The following IMMP2L variants were observed in gnomAD, a reference collection of about 807,000 sequenced individuals.
IMMP2L encodes mitochondrial inner membrane protease subunit 2.
Under a neutral mutation model 19.3 loss-of-function variants are expected in IMMP2L, and 18 were observed. The ratio of observed to expected loss-of-function variants is 0.93; its 90% CI spans 0.64 to 1.38. IMMP2L has a LOEUF of 1.38. Among genes scored for constraint, IMMP2L ranks in the 40% most tolerant of loss-of-function variants. The pLI, the probability that IMMP2L is intolerant of heterozygous loss-of-function variation, is 0.00. For missense variants in IMMP2L, 233 were observed against 218.2 expected (o/e 1.07, Z -0.43); for synonymous variants, 76 against 73.0 (o/e 1.04, Z -0.21).
intron 3 of IMMP2L, among the ~76,000 whole-genome samples, chr7:111,387,135 T>C (rs1480217139): frequency 6.6e-6 from 1 of 152,180 alleles, no homozygotes; most frequent in Non-Finnish European, 1.5e-5. Flanking sequence ...AGTACTGTTT[T>C]CAAAAATGAT....
intron 3 of IMMP2L, among the ~76,000 whole-genome samples, chr7:111,256,338 T>C (rs1036567132): frequency 3.3e-5 from 5 of 152,092 alleles, no homozygotes. Flanking sequence ...ACATATGAAC[T>C]ATAACAATTT....
intron 3 of IMMP2L, among the ~76,000 whole-genome samples, chr7:111,310,852 C>T (rs1823437196): frequency 6.6e-6 from 1 of 152,108 alleles, no homozygotes; most frequent in African/African-American, 2.4e-5. Context: ...TAAAAAAGAA[C>T]ACATCTAGAA....
intron 3 of IMMP2L, among the ~76,000 whole-genome samples, chr7:111,243,222 G>C (rs990679779): frequency 2.0e-5 from 3 of 151,896 alleles, no homozygotes; most frequent in Non-Finnish European, 4.4e-5. Flanking sequence ...TGAATGTGAA[G>C]TATTTATTAT....
chr7:111,017,608 A>G (rs905469027), intron 3 of IMMP2L, among the ~76,000 whole-genome samples: 1 of 152,220 alleles, frequency 6.6e-6, no homozygotes, highest in East Asian at 1.9e-4. Flanking sequence ...ACTCCCCTTC[A>G]GTTTACCTTT....
At chr7:111,014,002 C>T (rs1486123698) in intron 3 of IMMP2L, among the ~76,000 whole-genome samples, 2 of 152,040 alleles carry the variant, frequency 1.3e-5, no homozygotes, top group Admixed American at 1.3e-4. Flanking sequence ...GTCATATATT[C>T]ACAGCAAAAC....
In IMMP2L at chr7:110,727,736, C is replaced by T. The variant is rs1000504024; in HGVS notation, c.409-64015G>A. Among the ~76,000 whole-genome samples the T allele has an allele frequency of 3.3e-5, 5 of 152,118 alleles. No individual in the cohort carries two copies. The highest frequency in any genetic ancestry group is 1.3e-4 in the Admixed American group (2 of 15,266). ...TAAATTGAATCCGTATTCTTACCTC[C>T]GAAGCTACTGTAGAGAGTATTATTA... On this transcript the variant is annotated intron_variant, in intron 5 of 5. Transcript: ENST00000405709. The surrounding 1 kb of genome is among the most constrained non-coding windows in gnomAD (Gnocchi z 4.3).
At chr7:110,856,154 T>C (rs893124200) in intron 5 of IMMP2L, among the ~76,000 whole-genome samples, 4 of 151,868 alleles carry the variant, frequency 2.6e-5, no homozygotes, top group African/African-American at 9.7e-5. Flanking sequence ...AAACTTTCAG[T>C]AAAAAACAGT....
intron 3 of IMMP2L, among the ~76,000 whole-genome samples, chr7:111,170,286 A>C (rs1806287802): frequency 6.6e-6 from 1 of 151,866 alleles, no homozygotes; most frequent in South Asian, 2.1e-4. Flanking sequence ...GCAACCTTCA[A>C]ACCAGGGAAT....
chr7:110,886,429 G>A (rs1272084919), intron 5 of IMMP2L, among the ~76,000 whole-genome samples, 164 bp downstream of exon 5: 2 of 151,962 alleles, frequency 1.3e-5, no homozygotes, highest in Non-Finnish European at 2.9e-5. Flanking sequence ...CTCTGATAGT[G>A]TACCTTATCT....
intron 3 of IMMP2L, among the ~76,000 whole-genome samples, chr7:111,327,305 T>C (rs1056308332): frequency 1.3e-5 from 2 of 151,788 alleles, no homozygotes; most frequent in Non-Finnish European, 2.9e-5. Flanking sequence ...ATTCTTAAAA[T>C]TCATGTAAGA....
At chr7:111,446,350 C>G (rs940836246) in intron 3 of IMMP2L, among the ~76,000 whole-genome samples, 3 of 142,198 alleles carry the variant, frequency 2.1e-5, no homozygotes, top group Non-Finnish European at 4.5e-5. Context: ...CAGCACACAG[C>G]TGGAGATCTG....
At chr7:111,124,929 GA>G in intron 3 of IMMP2L, 1 of 1,008,838 alleles carries the variant, frequency 9.9e-7, no homozygotes, top group Non-Finnish European at 1.3e-6. Context: ...CTCCAAAAAT[GA>G]ACAAAAAAAA....
chr7:111,233,804 G>A (rs779618224), intron 3 of IMMP2L, among the ~76,000 whole-genome samples: 6 of 151,952 alleles, frequency 3.9e-5, no homozygotes, highest in Non-Finnish European at 7.4e-5. Context: ...ACCAACAATA[G>A]TCTAATGATT....
chr7:111,357,287 T>C (rs1299666113), intron 3 of IMMP2L, among the ~76,000 whole-genome samples: 1 of 152,164 alleles, frequency 6.6e-6, no homozygotes, highest in Non-Finnish European at 1.5e-5. Flanking sequence ...GCAGCAACTT[T>C]AGATGATGCT....
intron 3 of IMMP2L, among the ~76,000 whole-genome samples, chr7:111,166,605 G>C (rs974460718): frequency 2.0e-5 from 3 of 151,868 alleles, no homozygotes; most frequent in Admixed American, 6.6e-5. Context: ...CTAGGGCTGC[G>C]AAAACAAAGC....
chr7:111,181,732 C>G (rs1200184566), intron 3 of IMMP2L, among the ~76,000 whole-genome samples: 2 of 151,874 alleles, frequency 1.3e-5, no homozygotes, highest in Non-Finnish European at 2.9e-5. Flanking sequence ...TTTTATGCCA[C>G]AAACAATAAC....
chr7:111,106,052 A>G (rs1798512975), intron 3 of IMMP2L, among the ~76,000 whole-genome samples: 1 of 152,028 alleles, frequency 6.6e-6, no homozygotes, highest in Non-Finnish European at 1.5e-5. Context: ...TATTTGTAAT[A>G]TCACAGTAAC....
At chr7:111,519,407 G>A (rs2132655628) in intron 2 of IMMP2L, among the ~76,000 whole-genome samples, 1 of 152,186 alleles carries the variant, frequency 6.6e-6, no homozygotes, top group East Asian at 1.9e-4. Context: ...AGTAGCCAAG[G>A]AAACTATACA....
At chr7:111,498,650 C>CTGTTGAATTCTTT (rs1843830603) in intron 2 of IMMP2L, among the ~76,000 whole-genome samples, 1 of 152,098 alleles carries the variant, frequency 6.6e-6, no homozygotes. Flanking sequence ...GCCAAATTCC[C>CTGTTGAATTCTTT]CAACATATAC....
Sources: gnomAD v4.1 joint callset for allele counts (sites outside exome capture counted in the v4.1 genomes callset) on GRCh38, gnomAD v4.1.1 for gene constraint, Gnocchi (gnomAD v3.1) non-coding constraint, MANE v1.5 for transcripts, NCBI Gene and HGNC (gene_info 2026-07-23, HGNC 2026-07-21) for gene names.